Variants in NAA60 observed in about 807,000 individuals in gnomAD.
NAA60 encodes N-alpha-acetyltransferase 60.
NAA60 carries 8 observed loss-of-function variants against 26.1 expected under a neutral mutation model. The observed-to-expected ratio is 0.31, with a 90% CI of 0.18 to 0.55. The LOEUF is 0.55. NAA60 is among the 20% of genes least tolerant of loss of function. NAA60 has a pLI of 0.93. For synonymous variants in NAA60, 131 were observed against 122.5 expected (o/e 1.07, Z -0.46); for missense variants, 290 against 311.3 (o/e 0.93, Z 0.51).
chr16:3,483,708 G>T, intron 6 of NAA60, 111 bp downstream of exon 6: 1 of 775,932 alleles, frequency 1.3e-6, no homozygotes, highest in South Asian at 1.6e-5. Flanking sequence ...AGGTGGCCAA[G>T]CTTATGGATG....
At chr16:3,461,675 C>T (rs1014484869) in intron 2 of NAA60, among the ~76,000 whole-genome samples, 12 of 152,094 alleles carry the variant, frequency 7.9e-5, no homozygotes, top group African/African-American at 2.9e-4. Flanking sequence ...ACATTCTAAA[C>T]AAAGATTTAA....
chr16:3,453,018 G>A (rs2034845719), intron 2 of NAA60, among the ~76,000 whole-genome samples: 1 of 152,178 alleles, frequency 6.6e-6, no homozygotes, highest in Non-Finnish European at 1.5e-5. Context: ...CCCTGCTATA[G>A]TGGGTGTAGA....
chr16:3,472,775 C>T (rs1479876225), intron 2 of NAA60, among the ~76,000 whole-genome samples: 2 of 152,182 alleles, frequency 1.3e-5, no homozygotes, highest in Admixed American at 6.5e-5. Flanking sequence ...ATCCACGTGG[C>T]ATACCCGTTA....
At chr16:3,463,484 G>A (rs2035544474) in intron 2 of NAA60, among the ~76,000 whole-genome samples, 1 of 150,838 alleles carries the variant, frequency 6.6e-6, no homozygotes. Flanking sequence ...CCCAGGAGGT[G>A]GAGGTTGCAG....
At chr16:3,455,179 A>G (rs944921964) in intron 2 of NAA60, among the ~76,000 whole-genome samples, 1 of 151,414 alleles carries the variant, frequency 6.6e-6, no homozygotes, top group Non-Finnish European at 1.5e-5. Context: ...AGACTCCCGA[A>G]TAGCTGGGAT....
intron 2 of NAA60, among the ~76,000 whole-genome samples, chr16:3,465,896 G>C (rs1044840134): frequency 6.6e-6 from 1 of 152,176 alleles, no homozygotes; most frequent in Non-Finnish European, 1.5e-5. Context: ...ATGCAATTGC[G>C]ATAAATTAAT....
intron 2 of NAA60, chr16:3,467,804 C>A (rs2035863147): frequency 6.6e-6 from 1 of 152,182 alleles, no homozygotes; most frequent in Admixed American, 6.5e-5. Flanking sequence ...CATGGGGCTC[C>A]TGGACAGTTG....
intron 1 of NAA60, among the ~76,000 whole-genome samples, chr16:3,448,040 T>C (rs1259061466): frequency 6.6e-6 from 1 of 152,144 alleles, no homozygotes; most frequent in African/African-American, 2.4e-5. Context: ...TACTAGAAGC[T>C]GCAACCAAAG....
chr16:3,484,425 C>T (rs1236276868), intron 6 of NAA60, among the ~76,000 whole-genome samples: 1 of 152,138 alleles, frequency 6.6e-6, no homozygotes, highest in Non-Finnish European at 1.5e-5. Context: ...CCTTCCCCAC[C>T]CCCCGTGCAT....
chr16:3,456,510 C>A (rs1162746405), intron 2 of NAA60, among the ~76,000 whole-genome samples: 1 of 151,980 alleles, frequency 6.6e-6, no homozygotes, highest in Non-Finnish European at 1.5e-5. Flanking sequence ...AAGAATAATG[C>A]GCTTCACCAG....
At chr16:3,468,895 CTGACAAGGCCA>C (rs1255173311) in intron 2 of NAA60, among the ~76,000 whole-genome samples, 1 of 152,130 alleles carries the variant, frequency 6.6e-6, no homozygotes, top group African/African-American at 2.4e-5. Flanking sequence ...CAACATTGGC[CTGACAAGGCCA>C]ACAACCTTGT....
At chr16:3,462,466 C>G (rs1184161705) in intron 2 of NAA60, 1 of 152,208 alleles carries the variant, frequency 6.6e-6, no homozygotes. Flanking sequence ...ATTATTCTTT[C>G]CAGAGTCTGT....
chr16:3,462,866 G>T (rs37771), intron 2 of NAA60, among the ~76,000 whole-genome samples: 20,132 of 152,104 alleles, frequency 0.13, 1,693 homozygotes, highest in Non-Finnish European at 0.19. Context: ...GGCCTGAAAG[G>T]ACTCCCCTTA....
chr16:3,465,327 C>T (rs1030490126), intron 2 of NAA60, among the ~76,000 whole-genome samples: 2 of 151,900 alleles, frequency 1.3e-5, no homozygotes, highest in Non-Finnish European at 1.5e-5. Flanking sequence ...GAGGCAGCCA[C>T]GGGGTCCCAT....
At chr16:3,452,095 C>T (rs1464253473) in intron 2 of NAA60, among the ~76,000 whole-genome samples, 1 of 152,070 alleles carries the variant, frequency 6.6e-6, no homozygotes, top group African/African-American at 2.4e-5. Flanking sequence ...TGCCTGTACT[C>T]CCAGCTACTG....
chr16:3,463,052 G>A (rs1050409026), intron 2 of NAA60, among the ~76,000 whole-genome samples: 3 of 151,996 alleles, frequency 2.0e-5, no homozygotes, highest in Admixed American at 6.6e-5. Flanking sequence ...GTTTCTTTGC[G>A]ACTTTGACTC....
intron 2 of NAA60, among the ~76,000 whole-genome samples, chr16:3,472,912 C>G (rs2036241806): frequency 6.6e-6 from 1 of 152,210 alleles, no homozygotes; most frequent in African/African-American, 2.4e-5. Flanking sequence ...AAAATATGGA[C>G]TTTTTGTACA....
chr16:3,447,557 A>G, intron 1 of NAA60: 2 of 985,386 alleles, frequency 2.0e-6, no homozygotes. Context: ...CGTATCCTTC[A>G]TGGGAAGTTG....
intron 2 of NAA60, among the ~76,000 whole-genome samples, chr16:3,467,352 G>A (rs549579888): frequency 6.6e-6 from 1 of 152,234 alleles, no homozygotes; most frequent in East Asian, 1.9e-4. Flanking sequence ...GGGAGGGCAG[G>A]GCAGTGTGGC....
Sources: allele counts gnomAD v4.1 joint callset (sites outside exome capture counted in the v4.1 genomes callset), GRCh38; gene constraint gnomAD v4.1.1; transcripts MANE v1.5; gene names NCBI Gene and HGNC (gene_info 2026-07-23, HGNC 2026-07-21).